The following SCART1 variants were observed in gnomAD, a reference collection of about 807,000 sequenced individuals.
The protein encoded by SCART1 is scavenger receptor cysteine-rich domain-containing protein SCART1.
Under a neutral mutation model 36.2 loss-of-function variants are expected in SCART1, and 62 were observed. The observed-to-expected ratio is 1.71, with a 90% CI of 1.40 to 2.12. SCART1 has a LOEUF of 2.12. Ranked by LOEUF, SCART1 falls within the 30% of genes most tolerant of loss-of-function variation. The pLI, the probability that SCART1 is intolerant of heterozygous loss-of-function variation, is 0.00. For missense variants in SCART1, 1,041 were observed against 540.5 expected, an observed-to-expected ratio of 1.93 and a Z score of -9.18; for synonymous variants, 487 against 238.7, an observed-to-expected ratio of 2.04 and a Z score of -9.59.
chr10:133,457,548 C>G (rs761207278), exon 3 of SCART1: 1 of 701,450 alleles, frequency 1.4e-6, no homozygotes, highest in East Asian at 2.7e-5. Context: ...CTGCGACCTG[C>G]GGCTGGACGC....
rs575140893 is a variant in SCART1, at chr10:133,461,211, G to A, written c.1969+1041G>A. The stretch of plus-strand genomic sequence containing the variant: ...TGGAGAAGCCTGTGAGTGGGTCACG[G>A]GCTGCCCACCTGACCTGCGGCCTCC... On this transcript the variant is annotated intron_variant, in intron 6 of 11. Coordinates refer to ENST00000640237, the Ensembl canonical transcript of SCART1. Among the ~76,000 whole-genome samples the A allele has an allele frequency of 2.6e-5, 4 of 152,146 alleles. No homozygotes were observed. The South Asian group carries it at 8.3e-4, about 32-fold the overall frequency.
At chr10:133,459,709 G>A (rs759479084) in exon 6 of SCART1, 3 of 700,296 alleles carry the variant, frequency 4.3e-6, no homozygotes, top group Admixed American at 2.0e-5. Flanking sequence ...CGCGTGCGCT[G>A]TCTGGGCACC....
At position 133,467,090 on chromosome 10, in the gene SCART1, G is replaced by T. The variant is rs535867419; in HGVS notation, c.2807-108G>T. On this transcript the variant is annotated intron_variant, in intron 10 of 11. Coordinates refer to ENST00000640237, the Ensembl canonical transcript of SCART1. ...CCTCCATCCCAGCCCACAGCATCCT[G>T]CCTCTTTGCTGCCTGGCTGGGGTTC... 4 of 571,412 alleles carry T rather than the reference G, an allele frequency of 7.0e-6. No homozygotes were observed. In the African/African-American group the frequency reaches 7.6e-5, roughly 11 times the overall value. 35.4% of individuals were successfully genotyped at this position (571,412 alleles called of 1,614,324 possible). A position where few individuals can be genotyped will look rare whatever the true frequency, so the allele number is the denominator to read the frequency against.
At chr10:133,463,467 C>G (rs1850727107) in intron 6 of SCART1, among the ~76,000 whole-genome samples, 1 of 151,676 alleles carries the variant, frequency 6.6e-6, no homozygotes. Context: ...CACCACCTGC[C>G]CCTGGTAACC....
chr10:133,465,017 C>G, intron 7 of SCART1, 89 bp from the exon 8 acceptor site: 2 of 699,836 alleles, frequency 2.9e-6, no homozygotes, highest in Non-Finnish European at 5.2e-6. Context: ...TCAATCAGAG[C>G]CTGGGCCTGG....
chr10:133,458,724 C>A, intron 4 of SCART1, 68 bp downstream of exon 4: 1 of 688,354 alleles, frequency 1.5e-6, no homozygotes, highest in Non-Finnish European at 2.6e-6. Context: ...CCTTCGTGCC[C>A]TAAAGGTGCC....
intron 7 of SCART1, 25 bp from the exon 8 acceptor site, chr10:133,465,081 C>T (rs1371578536): frequency 1.4e-6 from 1 of 702,860 alleles, no homozygotes; most frequent in Non-Finnish European, 2.6e-6. Context: ...CACCGAAGCT[C>T]TCAGAGCTGC....
At chr10:133,464,759 G>C in exon 7 of SCART1, 1 of 697,836 alleles carries the variant, frequency 1.4e-6, no homozygotes, top group Non-Finnish European at 2.6e-6. Context: ...GGGGTGTGGG[G>C]AGTGGGGCTG....
At chr10:133,467,877 G>GACAGTCTAT (rs1318017245) in exon 12 of SCART1, 1 of 694,780 alleles carries the variant, frequency 1.4e-6, no homozygotes, top group South Asian at 1.5e-5. Flanking sequence ...CTCCTGGAGG[G>GACAGTCTAT]ACAGTCTATA....
exon 6 of SCART1, chr10:133,459,814 G>C (rs1850673219): frequency 6.5e-6 from 4 of 619,982 alleles, no homozygotes; most frequent in African/African-American, 1.9e-5. Context: ...GGTGAGGTCG[G>C]AACCGCGTCC....
intron 2 of SCART1, chr10:133,457,014 A>G: frequency 1.8e-6 from 1 of 546,036 alleles, no homozygotes; most frequent in Non-Finnish European, 3.2e-6. Flanking sequence ...CTGAGGCTGA[A>G]CCACCTGGCC....
intron 9 of SCART1, 114 bp from the exon 10 acceptor site, chr10:133,466,121 G>C (rs1330960533): frequency 3.2e-6 from 2 of 631,968 alleles, no homozygotes; most frequent in African/African-American, 3.6e-5. Flanking sequence ...CTTCCGACTC[G>C]CAGGTCCTCC....
Position 133,465,096 on chromosome 10 carries a change from T to TA in SCART1, c.2276-8dup. The TA allele has an allele frequency of 1.4e-6, 1 of 703,020 alleles. No homozygotes were observed. Among genetic ancestry groups the TA allele is most frequent in the Non-Finnish European group, 2.6e-6 (1 of 385,020 alleles). The allele number at this position is 703,020 out of a possible 1,614,324, so 43.5% of individuals were successfully genotyped here. ...CACCGAAGCTCTCAGAGCTGCTGTTTAACCCGCAGGATTGTCAGAGGACAG... is the reference window on the plus strand; with the variant it reads ...CACCGAAGCTCTCAGAGCTGCTGTTTAAACCCGCAGGATTGTCAGAGGACAG... On this transcript the variant is annotated splice_polypyrimidine_tract_variant and intron_variant, in intron 7 of 11. Coordinates refer to ENST00000640237, the Ensembl canonical transcript of SCART1.
chr10:133,461,373 C>A (rs1167881188), intron 6 of SCART1, among the ~76,000 whole-genome samples: 1 of 152,182 alleles, frequency 6.6e-6, no homozygotes. Context: ...TCTCTGGCAG[C>A]TTATCCAAGT....
chr10:133,459,426 G>A (rs1051337315), intron 5 of SCART1, 61 bp from the exon 6 acceptor site: 10 of 615,222 alleles, frequency 1.6e-5, no homozygotes, highest in South Asian at 1.9e-5. Flanking sequence ...GGGCCCTGCT[G>A]GGGGGTGGTC....
intron 6 of SCART1, chr10:133,464,318 TGAACCTGGGCGTGC>T: frequency 2.6e-6 from 1 of 382,530 alleles, no homozygotes; most frequent in Non-Finnish European, 4.7e-6. Flanking sequence ...GGGCGTGCAG[TGAACCTGGGCGTGC>T]AGTGAACCTG....
chr10:133,457,205 GA>G, intron 2 of SCART1, 73 bp from the exon 3 acceptor site: 3 of 677,422 alleles, frequency 4.4e-6, no homozygotes, highest in Admixed American at 2.3e-5. Context: ...TGTCCTCCCT[GA>G]AAAAGGAGCT....
chr10:133,463,457 C>T (rs1006119929), intron 6 of SCART1, among the ~76,000 whole-genome samples: 12 of 151,726 alleles, frequency 7.9e-5, no homozygotes, highest in African/African-American at 2.7e-4. Flanking sequence ...CCCATTCCCC[C>T]ACCACCTGCC....
chr10:133,462,656 A>C (rs1276828989), intron 6 of SCART1, among the ~76,000 whole-genome samples: 1 of 152,210 alleles, frequency 6.6e-6, no homozygotes, highest in Non-Finnish European at 1.5e-5. Flanking sequence ...TCTCCGTCCC[A>C]GCCGGGCTCC....
Sources: gnomAD v4.1 joint callset for allele counts (sites outside exome capture counted in the v4.1 genomes callset) on GRCh38, gnomAD v4.1.1 for gene constraint, MANE v1.5 for transcripts, NCBI Gene and HGNC (gene_info 2026-07-23, HGNC 2026-07-21) for gene names.